CXorf38: variants seen among roughly 807,000 people sequenced by gnomAD.
CXorf38 encodes chromosome X open reading frame 38.
A neutral mutation model predicts 27.5 loss-of-function variants in CXorf38; 13 were observed. That is an observed-to-expected ratio of 0.47 (90% CI 0.31 to 0.75). The LOEUF (loss-of-function observed/expected upper bound fraction) is 0.75, where lower values mean the gene tolerates loss of function less well. CXorf38 is among the 30% of genes least tolerant of loss of function. CXorf38 has a pLI of 0.05. For synonymous variants in CXorf38, 100 were observed against 99.8 expected, an observed-to-expected ratio of 1.00 and a Z score of -0.01; for missense variants, 240 against 253.2, an observed-to-expected ratio of 0.95 and a Z score of 0.35.
chrX:40,627,856 C>T lies in CXorf38; in HGVS notation c.*2308G>A, dbSNP rs905088244. 3.6e-5 allele frequency: 4 copies of T among 112,276 alleles called. No individual in the cohort carries two copies. The highest frequency in any genetic ancestry group is 9.4e-5 in the Admixed American group (1 of 10,612). The allele number at this position is 112,276 out of a possible 1,213,427, so 9.3% of individuals were successfully genotyped here. A position where few individuals can be genotyped will look rare whatever the true frequency, so the allele number is the denominator to read the frequency against. On this transcript the variant is annotated 3_prime_UTR_variant, in exon 7 of 7. Transcript: ENST00000327877. ...ACCTTACACATCCTTGTATTTATAT[C>T]TACTTCAGTGGCTGGCACATGGTGG...
At chrX:40,636,503 C>A in intron 5 of CXorf38, 30 bp downstream of exon 5, 1 of 1,054,035 alleles carries the variant, frequency 9.5e-7, no homozygotes, top group South Asian at 2.2e-5. Flanking sequence ...GTTGTTAACT[C>A]ACACAGAGCC....
chrX:40,634,784 G>C (rs999384280), intron 5 of CXorf38, among the ~76,000 whole-genome samples: 1 of 111,848 alleles, frequency 8.9e-6, no homozygotes, highest in African/African-American at 3.3e-5. Context: ...CTCACATTTT[G>C]ACCAACTGAA....
At chrX:40,644,885 G>C (rs2146588862) in intron 2 of CXorf38, among the ~76,000 whole-genome samples, 1 of 111,997 alleles carries the variant, frequency 8.9e-6, no homozygotes, top group East Asian at 2.8e-4. Context: ...AGACCGCTGG[G>C]GCTCATGATC....
chrX:40,632,975 A>G (rs1412455401), intron 5 of CXorf38, among the ~76,000 whole-genome samples: 1 of 111,693 alleles, frequency 9.0e-6, no homozygotes, highest in Non-Finnish European at 1.9e-5. Flanking sequence ...GTTGGAGGTA[A>G]AAGACGCTCG....
At position 40,629,370 on chromosome X, in the gene CXorf38, T is replaced by C. The variant is rs1191919864; in HGVS notation, c.*794A>G. On this transcript the variant is annotated 3_prime_UTR_variant, in exon 7 of 7. Transcript: ENST00000327877. ...CCTTTCAGGCAATGTTTCTTCTTGCTTTCCTCTAAAAAGGAAATATTTCTT... is the reference window on the plus strand; with the variant it reads ...CCTTTCAGGCAATGTTTCTTCTTGCCTTCCTCTAAAAAGGAAATATTTCTT... 3 of 111,508 alleles carry C rather than the reference T, an allele frequency of 2.7e-5. No individual in the cohort carries two copies. Among genetic ancestry groups the C allele is most frequent in the Non-Finnish European group, 5.7e-5 (3 of 53,093 alleles). 9.2% of individuals were successfully genotyped at this position (111,508 alleles called of 1,213,427 possible).
intron 2 of CXorf38, among the ~76,000 whole-genome samples, chrX:40,643,636 G>C (rs1463952052): frequency 9.0e-6 from 1 of 111,136 alleles, no homozygotes; most frequent in Non-Finnish European, 1.9e-5. Flanking sequence ...AGCCTCGCGA[G>C]TAGCTGGGAT....
chrX:40,647,309 C>A lies in CXorf38; in HGVS notation c.212G>T (p.Arg71Leu). 1.8e-6 allele frequency: 2 copies of A among 1,087,384 alleles called. No homozygotes were observed. The highest frequency in any genetic ancestry group is 2.4e-6 in the Non-Finnish European group (2 of 842,277). 89.6% of individuals were successfully genotyped at this position (1,087,384 alleles called of 1,213,427 possible). A position where few individuals can be genotyped will look rare whatever the true frequency, so the allele number is the denominator to read the frequency against. ...RGGSRCSPRA[R>L]QFQPQCQVCA... ...GGCCCCGAGCCAGGTGCTCACCTGG[C>A]GGGCGCGAGGGCTGCACCGTGAGCC... The change falls in exon 1 of 7, where the codon CGC (arginine) becomes CTC (leucine). Residue 71 changes from arginine to leucine, a missense_variant. Arg to Leu is a moderately radical substitution (Grantham distance 102, BLOSUM62 -2). Transcript: ENST00000327877.
intron 5 of CXorf38, among the ~76,000 whole-genome samples, chrX:40,634,315 C>T (rs1927963851): frequency 8.9e-6 from 1 of 112,020 alleles, no homozygotes; most frequent in African/African-American, 3.2e-5. Flanking sequence ...AAGTGATCCT[C>T]TCACCTTGGC....
Position 40,627,435 on chromosome X carries a change from C to T in CXorf38, c.*2729G>A, listed in dbSNP as rs931496019. On this transcript the variant is annotated 3_prime_UTR_variant, in exon 7 of 7. Transcript: ENST00000327877. Reference sequence around the variant, plus strand: ...CAAACTCCTGACCTCAGGTGATCCGCCCTACTCAGCCTCCCAAAGTGCTGG... The same window carrying T: ...CAAACTCCTGACCTCAGGTGATCCGTCCTACTCAGCCTCCCAAAGTGCTGG... 8.9e-6 allele frequency: 1 copy of T among 112,562 alleles called. No individual in the cohort carries two copies. The highest frequency in any genetic ancestry group is 9.4e-5 in the Admixed American group (1 of 10,645). The allele number at this position is 112,562 out of a possible 1,213,427, so 9.3% of individuals were successfully genotyped here. A position where few individuals can be genotyped will look rare whatever the true frequency, so the allele number is the denominator to read the frequency against.
At chrX:40,638,271 T>A (rs1928161407) in intron 3 of CXorf38, among the ~76,000 whole-genome samples, 1 of 112,373 alleles carries the variant, frequency 8.9e-6, no homozygotes, top group African/African-American at 3.2e-5. Context: ...GGTCAACTAC[T>A]ATGACAGTTC....
At position 40,627,817 on chromosome X, in the gene CXorf38, A is replaced by G. The variant is rs1927599795; in HGVS notation, c.*2347T>C. 1 of 112,338 alleles carries G rather than the reference A, an allele frequency of 8.9e-6. No homozygotes were observed. The highest frequency in any genetic ancestry group is 1.9e-5 in the Non-Finnish European group (1 of 53,320). The allele number at this position is 112,338 out of a possible 1,213,427, so 9.3% of individuals were successfully genotyped here. On this transcript the variant is annotated 3_prime_UTR_variant, in exon 7 of 7. Coordinates refer to ENST00000327877, the MANE Select transcript of CXorf38 (RefSeq NM_144970.3). ...CAAATCCAGTAAGATGACAGTTCGT[A>G]TACCATCATCCATACCTTACACATC...
At chrX:40,639,296 G>A in intron 2 of CXorf38, 168 bp from the exon 3 acceptor site, 1 of 470,000 alleles carries the variant, frequency 2.1e-6, no homozygotes, top group Middle Eastern at 6.3e-4. Context: ...AACTGTCACA[G>A]CTAAACCTTG....
At chrX:40,631,252 TATACAC>T (rs1182158131) in intron 5 of CXorf38, among the ~76,000 whole-genome samples, 860 of 37,643 alleles carry the variant, frequency 0.023, no homozygotes, top group East Asian at 0.039. Context: ...TGTATATATA[TATACAC>T]ACACACACAC....
chrX:40,644,943 C>A, intron 2 of CXorf38, among the ~76,000 whole-genome samples: 1 of 111,708 alleles, frequency 9.0e-6, no homozygotes, highest in South Asian at 3.7e-4. Flanking sequence ...TTCTTTCCCA[C>A]TAATCAGAAG....
chrX:40,639,014 T>C lies in CXorf38; in HGVS notation c.466A>G (p.Thr156Ala), dbSNP rs756581758. The C allele has an allele frequency of 2.1e-5, 25 of 1,211,068 alleles. No individual in the cohort carries two copies. The highest frequency in any genetic ancestry group is 2.8e-5 in the Non-Finnish European group (25 of 895,095). ...DHFVVDRKKV[T>A]EVIKCRNEIM... Reference sequence around the variant, plus strand: ...TTGAATCTGACAGCTCTTACCTCTGTGACTTTCTTTCGATCAACCACGAAG... The same window carrying C: ...TTGAATCTGACAGCTCTTACCTCTGCGACTTTCTTTCGATCAACCACGAAG... Residue 156 changes from threonine to alanine, a missense_variant, in exon 3 of 7, where the codon ACA becomes GCA. Coordinates refer to ENST00000327877, the MANE Select transcript of CXorf38 (RefSeq NM_144970.3).
rs1207661465 is a variant in CXorf38, at chrX:40,637,063, G to A, written c.565C>T (p.Leu189=). Residue 189 remains leucine (L), a synonymous_variant, in exon 4 of 7, where the codon CTG becomes TTG. Transcript: ENST00000327877. ...TCTGGGATGTTCTTGAATTCATTCA[G>A]AAAATTTTGGATCTTCATCTGAAAA... The part of the protein sequence containing the change: ...RDFQMKIQNF[L]NEFKNIPEIV... 3 of 1,204,451 alleles carry A rather than the reference G, an allele frequency of 2.5e-6. No individual in the cohort carries two copies. The African/African-American group carries it at 5.3e-5, about 21-fold the overall frequency.
At chrX:40,637,861 T>C (rs1928145022) in intron 3 of CXorf38, among the ~76,000 whole-genome samples, 1 of 111,592 alleles carries the variant, frequency 9.0e-6, no homozygotes, top group Non-Finnish European at 1.9e-5. Context: ...TACCTGTCAG[T>C]GCCGTTGAGG....
chrX:40,643,486 C>T (rs1265971379), intron 2 of CXorf38, among the ~76,000 whole-genome samples: 1 of 111,008 alleles, frequency 9.0e-6, no homozygotes, highest in East Asian at 2.8e-4. Flanking sequence ...TCTGCCTATT[C>T]TGGATATTTC....
At chrX:40,643,022 C>T (rs902266122) in intron 2 of CXorf38, among the ~76,000 whole-genome samples, 5 of 110,622 alleles carry the variant, frequency 4.5e-5, no homozygotes, top group Admixed American at 9.6e-5. Flanking sequence ...GTGATCCACT[C>T]GTCTCGGCCT....
Sources: gnomAD v4.1 joint callset for allele counts (sites outside exome capture counted in the v4.1 genomes callset) on GRCh38, gnomAD v4.1.1 for gene constraint, MANE v1.5 for transcripts, NCBI Gene and HGNC (gene_info 2026-07-23, HGNC 2026-07-21) for gene names.